SLC66A2: variants seen among roughly 807,000 people sequenced by gnomAD.
SLC66A2 encodes solute carrier family 66 member 2.
Under a neutral mutation model 25.5 loss-of-function variants are expected in SLC66A2, and 23 were observed. The ratio of observed to expected loss-of-function variants is 0.90; its 90% CI spans 0.65 to 1.28. The LOEUF (loss-of-function observed/expected upper bound fraction) is 1.28, where lower values mean the gene tolerates loss of function less well. Ranked by LOEUF, SLC66A2 falls within the 50% of genes most tolerant of loss-of-function variation. SLC66A2 has a pLI of 0.00. For synonymous variants in SLC66A2, 193 were observed against 166.5 expected, an observed-to-expected ratio of 1.16 and a Z score of -1.23; for missense variants, 396 against 373.1, an observed-to-expected ratio of 1.06 and a Z score of -0.51.
intron 4 of SLC66A2, among the ~76,000 whole-genome samples, chr18:79,923,754 A>T (rs753801407): frequency 1.3e-5 from 2 of 152,180 alleles, no homozygotes; most frequent in Non-Finnish European, 2.9e-5. Context: ...ACTTCATCGA[A>T]ATCTAAAACA....
chr18:79,951,063 G>T lies in SLC66A2; in HGVS notation c.-99-38C>A, dbSNP rs1004748791. The T allele has an allele frequency of 3.3e-5, 19 of 583,382 alleles. No homozygotes were observed. In the African/African-American group the frequency reaches 3.6e-4, roughly 11 times the overall value. 36.1% of individuals were successfully genotyped at this position (583,382 alleles called of 1,614,324 possible). A position where few individuals can be genotyped will look rare whatever the true frequency, so the allele number is the denominator to read the frequency against. On this transcript the variant is annotated intron_variant, in intron 1 of 5. Coordinates refer to ENST00000397778, the MANE Select transcript of SLC66A2 (RefSeq NM_025078.5). Reference sequence around the variant, plus strand: ...GGGAGCTGCTCGAGTTCCGCCCAGGGAGGCTGGGGCGGCGCGCACGGACCC... The same window carrying T: ...GGGAGCTGCTCGAGTTCCGCCCAGGTAGGCTGGGGCGGCGCGCACGGACCC...
chr18:79,921,830 GA>G (rs774338880), intron 4 of SLC66A2, among the ~76,000 whole-genome samples: 30 of 9,602 alleles, frequency 3.1e-3, no homozygotes, highest in East Asian at 0.016. Flanking sequence ...GTCAGGGTCA[GA>G]GGAGGAGAGA....
chr18:79,913,476 A>G (rs1455471076), intron 5 of SLC66A2, among the ~76,000 whole-genome samples: 1 of 152,224 alleles, frequency 6.6e-6, no homozygotes, highest in Non-Finnish European at 1.5e-5. Context: ...AAGCTTTATC[A>G]CATCTCATTA....
At chr18:79,928,331 T>C (rs879731555) in intron 4 of SLC66A2, among the ~76,000 whole-genome samples, 7 of 152,234 alleles carry the variant, frequency 4.6e-5, no homozygotes, top group Non-Finnish European at 7.3e-5. Flanking sequence ...GCTTGGCTGC[T>C]GCGTTTACTC....
At chr18:79,938,346 A>C (rs1161676463) in intron 3 of SLC66A2, among the ~76,000 whole-genome samples, 1 of 152,128 alleles carries the variant, frequency 6.6e-6, no homozygotes. Context: ...TCCCAACCGC[A>C]GTCAGCCATG....
chr18:79,934,279 A>C (rs1024177905), intron 3 of SLC66A2, among the ~76,000 whole-genome samples: 6 of 152,172 alleles, frequency 3.9e-5, no homozygotes, highest in Non-Finnish European at 7.3e-5. Flanking sequence ...AAATTGAGCC[A>C]AAAATTGAAA....
chr18:79,927,497 T>C lies in SLC66A2; in HGVS notation c.391+6472A>G, dbSNP rs1986098252. Among the ~76,000 whole-genome samples the C allele has an allele frequency of 6.6e-6, 1 of 152,210 alleles. No individual in the cohort carries two copies. The highest frequency in any genetic ancestry group is 2.1e-4 in the South Asian group (1 of 4,824). ...CACACCACCTGCTGCAGAATGAGTA[T>C]AAATGCCCTTCTTAGCCTTCGAGGC... On this transcript the variant is annotated intron_variant, in intron 4 of 5. Transcript: ENST00000397778. The surrounding 1 kb of genome is among the most constrained non-coding windows in gnomAD (Gnocchi z 6.2).
chr18:79,921,163 G>T (rs113110233), intron 4 of SLC66A2, among the ~76,000 whole-genome samples: 8 of 498 alleles, frequency 0.016, 3 homozygotes, highest in African/African-American at 0.069. Context: ...AGGAACCGAG[G>T]GAGAGGTCAG....
chr18:79,905,676 T>C (rs535805969), intron 5 of SLC66A2, among the ~76,000 whole-genome samples: 1 of 152,246 alleles, frequency 6.6e-6, no homozygotes, highest in African/African-American at 2.4e-5. Context: ...GAAACAGAGC[T>C]CGCCTGACCC....
rs1483559020 is a variant in SLC66A2, at chr18:79,940,478, T to C, written c.337+2851A>G. ...TATATAACAAACCTGCACATGTACC[T>C]GAACTTAAAAGCTTAAAAAAAAAAA... is the stretch of plus-strand genomic sequence containing the variant. On this transcript the variant is annotated intron_variant, in intron 3 of 5. Coordinates refer to ENST00000397778, the MANE Select transcript of SLC66A2 (RefSeq NM_025078.5). This position sits in a 1 kb window ranked among gnomAD's most constrained non-coding sequence, Gnocchi z 4.1. Among the ~76,000 whole-genome samples the C allele has an allele frequency of 6.6e-6, 1 of 151,760 alleles. No individual in the cohort carries two copies. Among genetic ancestry groups the C allele is most frequent in the East Asian group, 1.9e-4 (1 of 5,184 alleles).
chr18:79,923,516 G>C (rs760668460), intron 4 of SLC66A2, among the ~76,000 whole-genome samples: 11 of 152,148 alleles, frequency 7.2e-5, no homozygotes, highest in Non-Finnish European at 1.3e-4. Flanking sequence ...ATGACTAACA[G>C]AAAATCCTCA....
At position 79,950,991 on chromosome 18, in the gene SLC66A2, C is replaced by T; in HGVS notation, c.-65G>A. The T allele has an allele frequency of 7.9e-7, 1 of 1,268,316 alleles. No individual in the cohort carries two copies. The allele number at this position is 1,268,316 out of a possible 1,614,324, so 78.6% of individuals were successfully genotyped here. On this transcript the variant is annotated 5_prime_UTR_variant, in exon 2 of 6. The change abolishes an upstream ATG in the 5' untranslated region. Transcript: ENST00000397778. ...CCCCGCGGGCCACCGGCCGCCTGCT[C>T]ATCGCCGCTCCGCGCGCTCCTGCGG...
rs1568301998 is a variant in SLC66A2, at chr18:79,916,147, C to CATG, written c.608+3036_608+3037insCAT. 5.6e-4 allele frequency among the ~76,000 whole-genome samples: 38 copies of CATG among 67,518 alleles called. 1 individual carries two copies. The highest frequency in any genetic ancestry group is 1.3e-3 in the South Asian group (2 of 1,538). The allele number at this position is 67,518 out of a possible 152,430, so 44.3% of individuals were successfully genotyped here. On this transcript the variant is annotated intron_variant, in intron 5 of 5. Transcript: ENST00000397778. ...CCCATACCCACGGTGCTCCCGTACC[C>CATG]GCGGCGCTCTCGTACCCGCAGTGCT...
Position 79,918,391 on chromosome 18 carries a change from GGGGGCGGATCCCCAGTGAGGAGCGGGCCC to G in SLC66A2, c.608+764_608+792del, listed in dbSNP as rs1984500893. Among the ~76,000 whole-genome samples, 1 of 151,606 alleles carries G rather than the reference GGGGGCGGATCCCCAGTGAGGAGCGGGCCC, an allele frequency of 6.6e-6. No homozygotes were observed. The highest frequency in any genetic ancestry group is 6.6e-5 in the Admixed American group (1 of 15,220). On this transcript the variant is annotated intron_variant, in intron 5 of 5. Transcript: ENST00000397778. The surrounding 1 kb of genome is among the most constrained non-coding windows in gnomAD (Gnocchi z 4.0). ...TGTTCTCCGTGAGGAGCGGGCACCG[GGGGGCGGATCCCCAGTGAGGAGCGGGCCC>G]GGGGGGGGGTCCCCAGTGAGGAGCG...
At position 79,913,604 on chromosome 18, in the gene SLC66A2, C is replaced by T. The variant is rs1010450029; in HGVS notation, c.608+5580G>A. Among the ~76,000 whole-genome samples the T allele has an allele frequency of 4.6e-5, 7 of 152,342 alleles. No individual in the cohort carries two copies. In the South Asian group the frequency reaches 8.3e-4, roughly 18 times the overall value. On this transcript the variant is annotated intron_variant, in intron 5 of 5. Coordinates refer to ENST00000397778, the MANE Select transcript of SLC66A2 (RefSeq NM_025078.5). ...GTGCATCGCTGTGTGTGTGTGCATG[C>T]GCGCACGCGCGCATGGAGGCAACTG...
intron 5 of SLC66A2, among the ~76,000 whole-genome samples, chr18:79,908,384 T>C (rs1413242972): frequency 6.6e-6 from 1 of 152,052 alleles, no homozygotes; most frequent in Non-Finnish European, 1.5e-5. Flanking sequence ...ATCTGAAAAA[T>C]GTGCCACTTC....
rs780124701 is a variant in SLC66A2, at chr18:79,904,096, C to T, written c.696G>A (p.Val232=). 1 of 1,612,858 alleles carries T rather than the reference C, an allele frequency of 6.2e-7. No homozygotes were observed. Among genetic ancestry groups the T allele is most frequent in the East Asian group, 2.2e-5 (1 of 44,864 alleles). ...CCACCAGCACCTGCAGCAGGCCGCA[C>T]ACGGAGAACTGCAGAGGGGCACCCT... ...LLKGAPLQFS[V]CGLLQVLVDL... Residue 232 remains valine, a synonymous_variant, in exon 6 of 6, where the codon GTG becomes GTA. Coordinates refer to ENST00000397778, the MANE Select transcript of SLC66A2 (RefSeq NM_025078.5). This position sits in a 1 kb window ranked among gnomAD's most constrained non-coding sequence, Gnocchi z 6.3.
At chr18:79,930,814 G>T (rs1392883587) in intron 4 of SLC66A2, among the ~76,000 whole-genome samples, 1 of 152,092 alleles carries the variant, frequency 6.6e-6, no homozygotes, top group Non-Finnish European at 1.5e-5. Flanking sequence ...ATATATGTTT[G>T]TTCTCCTTTC....
intron 4 of SLC66A2, among the ~76,000 whole-genome samples, chr18:79,924,188 G>A (rs781605211): frequency 2.0e-5 from 3 of 152,206 alleles, no homozygotes; most frequent in South Asian, 2.1e-4. Context: ...GCTGAGATGC[G>A]TGGTGCAGGT....
Sources: allele counts gnomAD v4.1 joint callset (sites outside exome capture counted in the v4.1 genomes callset), GRCh38; gene constraint gnomAD v4.1.1; non-coding constraint Gnocchi (gnomAD v3.1); transcripts MANE v1.5; gene names NCBI Gene and HGNC (gene_info 2026-07-23, HGNC 2026-07-21).